Variants in TSHZ2 observed in about 807,000 individuals in gnomAD.
TSHZ2 encodes the protein teashirt zinc finger homeobox 2.
TSHZ2 carries 21 observed loss-of-function variants against 74.4 expected under a neutral mutation model. That is an observed-to-expected ratio of 0.28 (90% CI 0.20 to 0.41). TSHZ2 has a LOEUF of 0.41. Among genes scored for constraint, TSHZ2 ranks in the 10% least tolerant of loss-of-function variants. The pLI, the probability that TSHZ2 is intolerant of heterozygous loss-of-function variation, is 1.00. For synonymous variants in TSHZ2, 540 were observed against 515.3 expected, an observed-to-expected ratio of 1.05 and a Z score of -0.65; for missense variants, 1,244 against 1,293.5, an observed-to-expected ratio of 0.96 and a Z score of 0.59.
chr20:53,279,180 G>A (rs1991006391), intron 2 of TSHZ2, among the ~76,000 whole-genome samples: 1 of 152,196 alleles, frequency 6.6e-6, no homozygotes, highest in South Asian at 2.1e-4. Context: ...GGGTTGGTTT[G>A]CTTTCTCAGA....
At chr20:53,224,057 G>A (rs1029767997) in intron 1 of TSHZ2, among the ~76,000 whole-genome samples, 3 of 152,134 alleles carry the variant, frequency 2.0e-5, no homozygotes, top group Admixed American at 2.0e-4. Context: ...ACAGGGGAAG[G>A]ATATGGAGGA....
intron 1 of TSHZ2, among the ~76,000 whole-genome samples, chr20:53,162,656 G>T (rs2123466316): frequency 6.6e-6 from 1 of 152,256 alleles, no homozygotes; most frequent in East Asian, 1.9e-4. Context: ...TAAAATACAG[G>T]GTACTCTGGG....
Position 53,340,420 on chromosome 20 carries a change from G to A in TSHZ2, c.*8+83849G>A, listed in dbSNP as rs187756609. Among the ~76,000 whole-genome samples, 496 of 152,088 alleles carry A rather than the reference G, an allele frequency of 3.3e-3. 1 individual carries two copies. The highest frequency in any genetic ancestry group is 5.3e-3 in the Non-Finnish European group (359 of 67,974). On this transcript the variant is annotated intron_variant, in intron 2 of 2. Coordinates refer to ENST00000371497, the MANE Select transcript of TSHZ2 (RefSeq NM_173485.6). ...AGGATGGTCTCTAACTCCTGACCTC[G>A]TGATCCGCCTGCCTTGGCCTCCCAA...
At chr20:53,127,173 CATTT>C (rs748571206) in intron 1 of TSHZ2, among the ~76,000 whole-genome samples, 10 of 152,152 alleles carry the variant, frequency 6.6e-5, no homozygotes, top group Non-Finnish European at 1.0e-4. Flanking sequence ...TGTATTCATT[CATTT>C]GTTATTTTTC....
chr20:53,252,471 G>A (rs1213613619), intron 1 of TSHZ2, among the ~76,000 whole-genome samples: 1 of 152,194 alleles, frequency 6.6e-6, no homozygotes, highest in Non-Finnish European at 1.5e-5. Context: ...TTCTGAAAAG[G>A]CCAGGTGAAG....
intron 1 of TSHZ2, among the ~76,000 whole-genome samples, chr20:53,051,061 G>A (rs1169522362): frequency 1.3e-5 from 2 of 152,276 alleles, no homozygotes; most frequent in East Asian, 1.9e-4. Flanking sequence ...TATTGTAGCT[G>A]GGCATGGTGG....
chr20:53,319,656 C>T (rs1057420940), intron 2 of TSHZ2, among the ~76,000 whole-genome samples: 7 of 152,192 alleles, frequency 4.6e-5, no homozygotes, highest in Admixed American at 1.3e-4. Flanking sequence ...GCAGAGGGGA[C>T]GGCTGTCCGG....
intron 2 of TSHZ2, among the ~76,000 whole-genome samples, chr20:53,435,659 G>A (rs184031776): frequency 1.1e-4 from 17 of 152,206 alleles, no homozygotes; most frequent in African/African-American, 3.1e-4. Context: ...GATTACAGGC[G>A]CGTGTCACCA....
intron 2 of TSHZ2, among the ~76,000 whole-genome samples, chr20:53,421,844 G>T (rs951978191): frequency 6.6e-6 from 1 of 151,754 alleles, no homozygotes; most frequent in East Asian, 1.9e-4. Context: ...CACCATGCCC[G>T]GCGAATTTTT....
intron 1 of TSHZ2, among the ~76,000 whole-genome samples, chr20:53,058,530 G>C (rs1984717365): frequency 6.6e-6 from 1 of 152,104 alleles, no homozygotes; most frequent in African/African-American, 2.4e-5. Flanking sequence ...CTGAGCATGG[G>C]GCCCTGTCTG....
At chr20:53,333,901 C>T (rs1438974446) in intron 2 of TSHZ2, among the ~76,000 whole-genome samples, 3 of 152,212 alleles carry the variant, frequency 2.0e-5, no homozygotes, top group Non-Finnish European at 4.4e-5. Context: ...TCTCAAGGGC[C>T]AGATCACTGG....
intron 2 of TSHZ2, among the ~76,000 whole-genome samples, chr20:53,409,787 C>T (rs758938825): frequency 4.9e-5 from 7 of 141,442 alleles, no homozygotes; most frequent in Non-Finnish European, 7.7e-5. Flanking sequence ...GAGCTGGGGA[C>T]AAAGCCTTGA....
chr20:53,312,516 A>G (rs1978836244), intron 2 of TSHZ2, among the ~76,000 whole-genome samples: 1 of 152,230 alleles, frequency 6.6e-6, no homozygotes, highest in African/African-American at 2.4e-5. Context: ...CAGGTAATGT[A>G]TATGAGAAGA....
chr20:53,373,536 G>A (rs1981552632), intron 2 of TSHZ2, among the ~76,000 whole-genome samples: 1 of 152,180 alleles, frequency 6.6e-6, no homozygotes, highest in African/African-American at 2.4e-5. Context: ...TCTCAATCCA[G>A]TGGAAATGGG....
intron 1 of TSHZ2, among the ~76,000 whole-genome samples, chr20:53,240,763 A>ATAGATAGG (rs1990049041): frequency 1.3e-5 from 2 of 151,918 alleles, no homozygotes; most frequent in Admixed American, 6.5e-5. Context: ...AGATAGATAG[A>ATAGATAGG]TAGATAGATA....
chr20:53,275,225 C>T (rs1020587834), intron 2 of TSHZ2, among the ~76,000 whole-genome samples: 2 of 152,112 alleles, frequency 1.3e-5, no homozygotes, highest in African/African-American at 4.8e-5. Context: ...TAACTCATCT[C>T]ATTCCTTGAG....
In TSHZ2 at chr20:53,230,807, G is replaced by A. The variant is rs370767024; in HGVS notation, c.41-22692G>A. Among the ~76,000 whole-genome samples the A allele has an allele frequency of 2.9e-3, 445 of 151,816 alleles. 7 individuals are homozygous for A. Among genetic ancestry groups the A allele is most frequent in the South Asian group, 0.022 (107 of 4,786 alleles). On this transcript the variant is annotated intron_variant, in intron 1 of 2. Transcript: ENST00000371497. Reference sequence around the variant, plus strand: ...CTCAGGAGGCTGAGGCAGGAGAATCGCTTGAACCTGGGAAGCAGAGGTTGC... The same window carrying A: ...CTCAGGAGGCTGAGGCAGGAGAATCACTTGAACCTGGGAAGCAGAGGTTGC...
At chr20:52,992,532 T>A (rs1982031127) in intron 1 of TSHZ2, among the ~76,000 whole-genome samples, 1 of 152,176 alleles carries the variant, frequency 6.6e-6, no homozygotes, top group African/African-American at 2.4e-5. Flanking sequence ...TAATTATTGT[T>A]CCTTAAGATC....
At chr20:53,240,523 A>G (rs1267856637) in intron 1 of TSHZ2, among the ~76,000 whole-genome samples, 1 of 152,084 alleles carries the variant, frequency 6.6e-6, no homozygotes, top group African/African-American at 2.4e-5. Flanking sequence ...CCTAAGGGTC[A>G]CTCAAAGGTG....
Sources: allele counts gnomAD v4.1 joint callset (sites outside exome capture counted in the v4.1 genomes callset), GRCh38; gene constraint gnomAD v4.1.1; transcripts MANE v1.5; gene names NCBI Gene and HGNC (gene_info 2026-07-23, HGNC 2026-07-21).